The following EYS variants were observed in gnomAD, a reference collection of about 807,000 sequenced individuals.
The protein encoded by EYS is EGF-like photoreceptor maintenance factor, also known as protein eyes shut homolog.
Under a neutral mutation model 282.1 loss-of-function variants are expected in EYS, and 250 were observed. That is an observed-to-expected ratio of 0.89 (90% CI 0.80 to 0.98). The LOEUF is 0.98. Among genes scored for constraint, EYS ranks in the 50% least tolerant of loss-of-function variants. The pLI, the probability that EYS is intolerant of heterozygous loss-of-function variation, is 0.00. For synonymous variants in EYS, 1,355 were observed against 1,282.9 expected (o/e 1.06, Z -1.20); for missense variants, 4,016 against 3,709.0 (o/e 1.08, Z -2.15).
chr6:64,755,206 A>T (rs190764470), intron 22 of EYS, among the ~76,000 whole-genome samples: 1 of 152,262 alleles, frequency 6.6e-6, no homozygotes, highest in African/African-American at 2.4e-5. Flanking sequence ...ATAAAAACCT[A>T]TGGAAAATGT....
chr6:64,818,009 C>T (rs1314661086), intron 21 of EYS, among the ~76,000 whole-genome samples: 1 of 152,118 alleles, frequency 6.6e-6, no homozygotes, highest in Admixed American at 6.6e-5. Context: ...CTTATTTCTA[C>T]TTCATCTGAG....
intron 28 of EYS, among the ~76,000 whole-genome samples, chr6:64,389,333 TATAAC>T (rs532456368): frequency 1.8e-3 from 270 of 152,288 alleles, no homozygotes; most frequent in African/African-American, 6.3e-3. Flanking sequence ...ATAAATCAAA[TATAAC>T]TTAATTAGGG....
chr6:64,750,234 T>C (rs1235783105), intron 22 of EYS, among the ~76,000 whole-genome samples: 1 of 152,014 alleles, frequency 6.6e-6, no homozygotes, highest in Non-Finnish European at 1.5e-5. Context: ...AAAGAAGTAC[T>C]TTAGGTCAGC....
intron 28 of EYS, among the ~76,000 whole-genome samples, chr6:64,431,675 G>T (rs557380419): frequency 1.3e-5 from 2 of 152,182 alleles, no homozygotes; most frequent in South Asian, 2.1e-4. Flanking sequence ...ATACGATGTA[G>T]TTCACAGTTC....
chr6:65,387,862 A>ACATTT (rs1329730125), intron 7 of EYS, among the ~76,000 whole-genome samples: 1 of 151,990 alleles, frequency 6.6e-6, no homozygotes, highest in African/African-American at 2.4e-5. Context: ...ATTGTAGTTC[A>ACATTT]CATTTGTCTC....
At chr6:65,663,933 G>T (rs1245584121) in intron 1 of EYS, among the ~76,000 whole-genome samples, 2 of 131,032 alleles carry the variant, frequency 1.5e-5, no homozygotes, top group African/African-American at 5.9e-5. Context: ...GTGTAGTGGC[G>T]CAATCTCGGA....
chr6:65,339,476 AT>A (rs1770116304), intron 10 of EYS, among the ~76,000 whole-genome samples: 2 of 151,200 alleles, frequency 1.3e-5, no homozygotes, highest in African/African-American at 4.8e-5. Context: ...TAATTGTTAT[AT>A]TTTTATTAGT....
At position 65,494,775 on chromosome 6, in the gene EYS, C is replaced by T. The variant is rs2127270946; in HGVS notation, c.636G>A (p.Gln212=). Residue 212 remains glutamine, a synonymous_variant, in exon 4 of 43, where the codon CAG becomes CAA. Transcript: ENST00000503581. ...CQPPFSGKYC[Q]ELDACSFKPC... ...GTTTAAAAGAACATGCATCAAGTTC[C>T]TGGCAGTATTTTCCAGAAAATGGAG... The T allele has an allele frequency of 4.3e-6, 7 of 1,614,034 alleles. No homozygotes were observed. The highest frequency in any genetic ancestry group is 5.9e-6 in the Non-Finnish European group (7 of 1,179,998).
intron 19 of EYS, among the ~76,000 whole-genome samples, chr6:64,873,886 T>A (rs933026070): frequency 5.3e-5 from 8 of 152,066 alleles, no homozygotes; most frequent in Non-Finnish European, 1.0e-4. Flanking sequence ...GCACATTTTT[T>A]TCTTTTTGCA....
At chr6:64,885,547 T>G (rs1305609996) in intron 19 of EYS, among the ~76,000 whole-genome samples, 3 of 151,800 alleles carry the variant, frequency 2.0e-5, no homozygotes, top group Non-Finnish European at 4.4e-5. Context: ...CATTGATAGC[T>G]CAATAATTTT....
rs143795988 is a variant in EYS at position 64,052,760 on chromosome 6, T to G, written c.6725+13578A>C. Among the ~76,000 whole-genome samples, 1,396 of 152,162 alleles carry G rather than the reference T, an allele frequency of 9.2e-3. 30 individuals are homozygous for G. Among genetic ancestry groups the G allele is most frequent in the African/African-American group, 0.031 (1,286 of 41,518 alleles). ...TCCCATGTTGTTCTCTGATAGTGAG[T>G]AAGTCTCGCGGGGTCTGATGGTTTT... On this transcript the variant is annotated intron_variant, in intron 33 of 42. Coordinates refer to ENST00000503581, the MANE Select transcript of EYS (RefSeq NM_001142800.2).
chr6:65,251,284 G>T (rs561565), intron 12 of EYS, among the ~76,000 whole-genome samples: 2 of 151,172 alleles, frequency 1.3e-5, no homozygotes, highest in African/African-American at 2.4e-5. Flanking sequence ...CAAAATTTAT[G>T]AAAAGTAAAC....
In EYS at chr6:65,621,825, C is replaced by T. The variant is rs149228797; in HGVS notation, c.-333+17953G>A. Among the ~76,000 whole-genome samples, 9 of 152,060 alleles carry T rather than the reference C, an allele frequency of 5.9e-5. No individual in the cohort carries two copies. The East Asian group carries it at 1.5e-3, about 26-fold the overall frequency. On this transcript the variant is annotated intron_variant, in intron 2 of 42. Coordinates refer to ENST00000503581, the MANE Select transcript of EYS (RefSeq NM_001142800.2). ...TTTTAAATGTTTCCTTGATGTGTCT[C>T]TTTTACTGAGTTCTAATATGATGAA...
At chr6:63,928,857 G>A (rs1462980434) in intron 35 of EYS, among the ~76,000 whole-genome samples, 2 of 152,198 alleles carry the variant, frequency 1.3e-5, no homozygotes, top group Admixed American at 1.3e-4. Flanking sequence ...CCTGCACATT[G>A]AAGGAATCAC....
At chr6:64,678,346 G>C (rs527317176) in intron 22 of EYS, among the ~76,000 whole-genome samples, 1 of 152,322 alleles carries the variant, frequency 6.6e-6, no homozygotes, top group East Asian at 1.9e-4. Flanking sequence ...GGGAGGCCAA[G>C]GTGGGCAGAT....
At chr6:63,917,057 C>T (rs1029127445) in intron 35 of EYS, among the ~76,000 whole-genome samples, 17 of 152,160 alleles carry the variant, frequency 1.1e-4, no homozygotes, top group East Asian at 1.9e-4. Context: ...CTGTTCATGA[C>T]GGCAATATAA....
At chr6:64,926,709 A>C (rs1192058780) in intron 15 of EYS, among the ~76,000 whole-genome samples, 1 of 152,178 alleles carries the variant, frequency 6.6e-6, no homozygotes, top group African/African-American at 2.4e-5. Context: ...AGAAGTTCAC[A>C]GTGTGAATCT....
chr6:64,681,423 A>AG (rs1401618454), intron 22 of EYS, among the ~76,000 whole-genome samples: 1 of 152,078 alleles, frequency 6.6e-6, no homozygotes, highest in Non-Finnish European at 1.5e-5. Context: ...CTAAAAGATG[A>AG]GGGGGGAAAA....
At chr6:65,251,284 G>C (rs561565) in intron 12 of EYS, among the ~76,000 whole-genome samples, 58,500 of 151,194 alleles carry the variant, frequency 0.39, 12,491 homozygotes, top group African/African-American at 0.57. Context: ...CAAAATTTAT[G>C]AAAAGTAAAC....
Sources: gnomAD v4.1 joint callset for allele counts (sites outside exome capture counted in the v4.1 genomes callset) on GRCh38, gnomAD v4.1.1 for gene constraint, MANE v1.5 for transcripts, NCBI Gene and HGNC (gene_info 2026-07-23, HGNC 2026-07-21) for gene names.